Variants in ADGRL3 observed in about 807,000 individuals in gnomAD.
The protein encoded by ADGRL3 is calcium-independent alpha-latrotoxin receptor 3.
A neutral mutation model predicts 153.5 loss-of-function variants in ADGRL3; 62 were observed. The ratio of observed to expected loss-of-function variants is 0.40; its 90% CI spans 0.33 to 0.50. The LOEUF (loss-of-function observed/expected upper bound fraction) is 0.50, where lower values mean the gene tolerates loss of function less well. ADGRL3 is among the 20% of genes least tolerant of loss of function. The probability of loss-of-function intolerance (pLI) is 0.47; values close to 1 mark genes in which losing one functional copy is unlikely to be tolerated. For synonymous variants in ADGRL3, 710 were observed against 672.5 expected, an observed-to-expected ratio of 1.06 and a Z score of -0.86; for missense variants, 1,641 against 1,859.4, an observed-to-expected ratio of 0.88 and a Z score of 2.16.
At chr4:61,670,759 T>G (rs1448640238) in intron 5 of ADGRL3, among the ~76,000 whole-genome samples, 1 of 152,160 alleles carries the variant, frequency 6.6e-6, no homozygotes, top group Non-Finnish European at 1.5e-5. Context: ...AGAGGTAAAG[T>G]TCCCCCCAGG....
chr4:61,932,069 T>C (rs1424779702), intron 13 of ADGRL3, among the ~76,000 whole-genome samples: 1 of 152,028 alleles, frequency 6.6e-6, no homozygotes, highest in East Asian at 1.9e-4. Flanking sequence ...ATACAGTCTT[T>C]TATGTATATA....
At chr4:61,222,045 A>G (rs1188289835) in intron 1 of ADGRL3, among the ~76,000 whole-genome samples, 1 of 152,094 alleles carries the variant, frequency 6.6e-6, no homozygotes, top group Non-Finnish European at 1.5e-5. Context: ...TCTTATTTTT[A>G]TGAATTCTGT....
At chr4:62,013,905 T>G (rs910424094) in intron 21 of ADGRL3, among the ~76,000 whole-genome samples, 4 of 151,430 alleles carry the variant, frequency 2.6e-5, no homozygotes, top group South Asian at 2.1e-4. Flanking sequence ...AAAATTTTTT[T>G]TTTGTTTGTT....
chr4:61,242,215 T>G (rs190081082), intron 1 of ADGRL3, among the ~76,000 whole-genome samples: 1 of 152,168 alleles, frequency 6.6e-6, no homozygotes, highest in Non-Finnish European at 1.5e-5. Context: ...GATATCTGAC[T>G]CCCTGTTCTG....
At chr4:61,621,530 T>C (rs2092510790) in intron 5 of ADGRL3, among the ~76,000 whole-genome samples, 1 of 152,172 alleles carries the variant, frequency 6.6e-6, no homozygotes, top group South Asian at 2.1e-4. Flanking sequence ...TTTTAATTAA[T>C]GAATGTTTAG....
intron 2 of ADGRL3, among the ~76,000 whole-genome samples, chr4:61,402,650 G>A (rs938437072): frequency 2.6e-5 from 4 of 152,038 alleles, no homozygotes; most frequent in African/African-American, 9.7e-5. Context: ...GAAAAGAAAT[G>A]AACTGGGTAT....
At chr4:61,819,740 C>G (rs1249560210) in intron 9 of ADGRL3, among the ~76,000 whole-genome samples, 1 of 152,008 alleles carries the variant, frequency 6.6e-6, no homozygotes, top group Non-Finnish European at 1.5e-5. Context: ...ACAGAGAAGA[C>G]TGCTTCAGAT....
At chr4:61,939,977 T>G (rs1434924661) in intron 15 of ADGRL3, among the ~76,000 whole-genome samples, 5 of 150,814 alleles carry the variant, frequency 3.3e-5, no homozygotes, top group Admixed American at 6.6e-5. Flanking sequence ...ATGTGCACAT[T>G]GTGCAGGTTA....
rs746270309 is a variant in ADGRL3, at chr4:61,750,810, A to AAAAAAAAAAAG, written c.1399+17258_1399+17259insAAAAAAAAGAA. ...GTCTCAAAAAAGAAAAAAAAAAAAA[A>AAAAAAAAAAAG]AAGTCAAAGCAGATAAGCTAAAGGA... On this transcript the variant is annotated intron_variant, in intron 8 of 26. Transcript: ENST00000683033. 8.5e-4 allele frequency among the ~76,000 whole-genome samples: 125 copies of AAAAAAAAAAAG among 147,128 alleles called. 5 individuals are homozygous for AAAAAAAAAAAG. Among genetic ancestry groups the AAAAAAAAAAAG allele is most frequent in the African/African-American group, 2.8e-3 (107 of 37,694 alleles).
intron 13 of ADGRL3, among the ~76,000 whole-genome samples, chr4:61,928,329 T>C (rs1170946861): frequency 6.6e-6 from 1 of 152,128 alleles, no homozygotes; most frequent in Non-Finnish European, 1.5e-5. Flanking sequence ...GGATTTCCTC[T>C]TCGGAGTCAA....
At chr4:61,647,474 C>T (rs567049952) in intron 5 of ADGRL3, among the ~76,000 whole-genome samples, 5 of 152,000 alleles carry the variant, frequency 3.3e-5, no homozygotes, top group Non-Finnish European at 5.9e-5. Flanking sequence ...AATATAAAAT[C>T]GTGACTTTAT....
intron 13 of ADGRL3, among the ~76,000 whole-genome samples, chr4:61,934,152 A>G (rs1263532206): frequency 1.3e-5 from 2 of 152,156 alleles, no homozygotes; most frequent in African/African-American, 4.8e-5. Context: ...GGGTGTACCT[A>G]CTGCTGATTT....
chr4:61,733,636 C>T (rs2096470329), intron 8 of ADGRL3, 82 bp downstream of exon 8: 1 of 1,062,718 alleles, frequency 9.4e-7, no homozygotes, highest in African/African-American at 1.6e-5. Flanking sequence ...TTTTATTAAA[C>T]TTTATTTGTG....
At chr4:61,555,037 TTTC>T (rs1438069769) in intron 4 of ADGRL3, among the ~76,000 whole-genome samples, 1 of 152,174 alleles carries the variant, frequency 6.6e-6, no homozygotes, top group African/African-American at 2.4e-5. Context: ...GCTGTCTCAT[TTTC>T]TTCTTCTTGG....
chr4:61,206,577 G>A (rs938627485), intron 1 of ADGRL3, among the ~76,000 whole-genome samples: 1 of 152,118 alleles, frequency 6.6e-6, no homozygotes, highest in African/African-American at 2.4e-5. Flanking sequence ...ATATGTGATG[G>A]CATCATTGCT....
intron 25 of ADGRL3, among the ~76,000 whole-genome samples, chr4:62,060,998 A>T (rs1739801022): frequency 6.6e-6 from 1 of 151,932 alleles, no homozygotes; most frequent in Non-Finnish European, 1.5e-5. Flanking sequence ...TTCCTGAATG[A>T]ACTGGTGCCT....
At chr4:62,024,171 C>A (rs1326749415) in intron 21 of ADGRL3, among the ~76,000 whole-genome samples, 1 of 151,976 alleles carries the variant, frequency 6.6e-6, no homozygotes, top group African/African-American at 2.4e-5. Context: ...TGTCATTGAT[C>A]TGATATTTAT....
At chr4:61,220,370 G>C (rs942198781) in intron 1 of ADGRL3, among the ~76,000 whole-genome samples, 32 of 152,118 alleles carry the variant, frequency 2.1e-4, no homozygotes, top group African/African-American at 7.7e-4. Flanking sequence ...TTTAGAATCA[G>C]AAGACTCTGA....
intron 1 of ADGRL3, among the ~76,000 whole-genome samples, chr4:61,363,204 G>C (rs2096322574): frequency 6.6e-6 from 1 of 152,152 alleles, no homozygotes; most frequent in Non-Finnish European, 1.5e-5. Flanking sequence ...TAGTTTCAGG[G>C]AGATTATTGT....
Sources: allele counts gnomAD v4.1 joint callset (sites outside exome capture counted in the v4.1 genomes callset), GRCh38; gene constraint gnomAD v4.1.1; transcripts MANE v1.5; gene names NCBI Gene and HGNC (gene_info 2026-07-23, HGNC 2026-07-21).